The following TACC2 variants were observed in gnomAD, a reference collection of about 807,000 sequenced individuals.
TACC2 encodes transforming acidic coiled-coil-containing protein 2.
Under a neutral mutation model 227.3 loss-of-function variants are expected in TACC2, and 137 were observed. That is an observed-to-expected ratio of 0.60 (90% CI 0.52 to 0.69). The LOEUF (loss-of-function observed/expected upper bound fraction) is 0.69. TACC2 is among the 30% of genes least tolerant of loss of function. TACC2 has a pLI of 0.00. For missense variants in TACC2, 3,470 were observed against 3,694.4 expected, an observed-to-expected ratio of 0.94 and a Z score of 1.57; for synonymous variants, 1,523 against 1,487.5, an observed-to-expected ratio of 1.02 and a Z score of -0.55.
At chr10:122,055,971 C>T (rs2076175232) in intron 3 of TACC2, among the ~76,000 whole-genome samples, 1 of 152,214 alleles carries the variant, frequency 6.6e-6, no homozygotes, top group African/African-American at 2.4e-5. Context: ...GGCCAAGTCC[C>T]ATCCATACCC....
intron 3 of TACC2, among the ~76,000 whole-genome samples, chr10:122,073,668 C>T (rs10788236): frequency 0.067 from 10,250 of 152,252 alleles, 407 homozygotes; most frequent in Middle Eastern, 0.11. Context: ...TGTTGACTCA[C>T]GAGGCACAGT....
At chr10:122,129,266 C>T (rs566655819) in intron 5 of TACC2, among the ~76,000 whole-genome samples, 1 of 151,986 alleles carries the variant, frequency 6.6e-6, no homozygotes, top group Admixed American at 6.6e-5. Context: ...CCATGTTGGC[C>T]AGGCTCGTCT....
intron 19 of TACC2, among the ~76,000 whole-genome samples, chr10:122,243,949 T>G (rs957274874): frequency 6.6e-6 from 1 of 152,238 alleles, no homozygotes; most frequent in Non-Finnish European, 1.5e-5. Context: ...AGACATTCCC[T>G]CTTGAAAATT....
At chr10:122,140,065 G>A (rs1013244912) in intron 6 of TACC2, among the ~76,000 whole-genome samples, 3 of 152,236 alleles carry the variant, frequency 2.0e-5, no homozygotes, top group Non-Finnish European at 4.4e-5. Flanking sequence ...CGGGCTGAAT[G>A]TGAGCCCTGG....
At position 122,168,720 on chromosome 10, in the gene TACC2, G is replaced by A. The variant is rs58457585; in HGVS notation, c.5834+25014G>A. Among the ~76,000 whole-genome samples, 1,411 of 152,274 alleles carry A rather than the reference G, an allele frequency of 9.3e-3. 24 individuals carry two copies. The highest frequency in any genetic ancestry group is 0.077 in the East Asian group (396 of 5,172). On this transcript the variant is annotated intron_variant, in intron 7 of 22. Transcript: ENST00000369005. ...GCACTGCAGGTGAACATCAGATCAA[G>A]GTCAGTGGATTCTGGGTTGCTCTTC...
intron 22 of TACC2, among the ~76,000 whole-genome samples, chr10:122,250,155 C>G (rs7086990): frequency 0.32 from 48,599 of 152,102 alleles, 8,095 homozygotes; most frequent in South Asian, 0.46. Flanking sequence ...CAGGTTTCCT[C>G]CTTTTGGATC....
At chr10:122,238,210 A>C (rs1470631953) in intron 18 of TACC2, among the ~76,000 whole-genome samples, 173 bp downstream of exon 18, 1 of 152,194 alleles carries the variant, frequency 6.6e-6, no homozygotes, top group East Asian at 1.9e-4. Context: ...CTATTACTAA[A>C]ATAGCATGCA....
intron 7 of TACC2, among the ~76,000 whole-genome samples, chr10:122,162,652 G>C (rs1401795626): frequency 2.0e-5 from 3 of 152,228 alleles, no homozygotes; most frequent in Admixed American, 2.0e-4. Flanking sequence ...AGGATCTCAA[G>C]TCTTGAGGGT....
chr10:122,064,183 G>C (rs1389942712), intron 3 of TACC2, among the ~76,000 whole-genome samples: 1 of 151,992 alleles, frequency 6.6e-6, no homozygotes, highest in Non-Finnish European at 1.5e-5. Context: ...AAAAGTGTGT[G>C]TGTGTGTATA....
rs369228604 is a variant in TACC2 at position 122,249,540 on chromosome 10, G to T, written c.8661-4G>T. 97 of 1,613,518 alleles carry T rather than the reference G, an allele frequency of 6.0e-5. No individual in the cohort carries two copies. In the African/African-American group the frequency reaches 1.3e-3, roughly 21 times the overall value. ...TGATAATTCTGAGCTCCCTGTCTCCGCAGGGCCAATGCTGAGATTGCTCAG... is the reference window on the plus strand; with the variant it reads ...TGATAATTCTGAGCTCCCTGTCTCCTCAGGGCCAATGCTGAGATTGCTCAG... On this transcript the variant is annotated splice_region_variant and splice_polypyrimidine_tract_variant and intron_variant, in intron 21 of 22. Coordinates refer to ENST00000369005, the MANE Select transcript of TACC2 (RefSeq NM_206862.4).
chr10:122,249,676 G>A lies in TACC2; in HGVS notation c.8781+12G>A, dbSNP rs748810220. On this transcript the variant is annotated intron_variant, in intron 22 of 22. Coordinates refer to ENST00000369005, the MANE Select transcript of TACC2 (RefSeq NM_206862.4). ...CGCTGGAGCAGAAGGTAATAGGGGAGGGGTGTGGCCTCCAGGTGGGCCGGG... is the reference window on the plus strand; with the variant it reads ...CGCTGGAGCAGAAGGTAATAGGGGAAGGGTGTGGCCTCCAGGTGGGCCGGG... The A allele has an allele frequency of 6.2e-7, 1 of 1,608,824 alleles. No homozygotes were observed. Among genetic ancestry groups the A allele is most frequent in the Admixed American group, 1.7e-5 (1 of 59,864 alleles).
In TACC2 at chr10:122,126,561, T is replaced by C. The variant is rs139780295; in HGVS notation, c.5574-6048T>C. Among the ~76,000 whole-genome samples, 329 of 152,280 alleles carry C rather than the reference T, an allele frequency of 2.2e-3. 2 individuals carry two copies. Among genetic ancestry groups the C allele is most frequent in the East Asian group, 6.6e-3 (34 of 5,172 alleles). ...CTGGAGTCCAACCACCTTCTGTATATGCAAGCTCCTCTCTGATTGTGAGAA... is the reference window on the plus strand; with the variant it reads ...CTGGAGTCCAACCACCTTCTGTATACGCAAGCTCCTCTCTGATTGTGAGAA... On this transcript the variant is annotated intron_variant, in intron 5 of 22. Coordinates refer to ENST00000369005, the MANE Select transcript of TACC2 (RefSeq NM_206862.4).
chr10:122,089,576 C>T (rs1486483911), intron 5 of TACC2, among the ~76,000 whole-genome samples: 1 of 152,222 alleles, frequency 6.6e-6, no homozygotes, highest in African/African-American at 2.4e-5. Context: ...TGTGCACGTA[C>T]ACAGACACAC....
intron 11 of TACC2, among the ~76,000 whole-genome samples, chr10:122,222,438 C>T (rs1358775941): frequency 6.6e-6 from 1 of 152,222 alleles, no homozygotes; most frequent in Non-Finnish European, 1.5e-5. Context: ...GCGTCTGCCA[C>T]TCATCTGGGA....
chr10:122,106,621 C>T (rs964174858), intron 5 of TACC2, among the ~76,000 whole-genome samples: 4 of 152,216 alleles, frequency 2.6e-5, no homozygotes, highest in Admixed American at 6.5e-5. Context: ...TGCAGGACTC[C>T]TTTGGCAAAT....
chr10:122,087,789 C>A lies in TACC2; in HGVS notation c.5289C>A (p.Ala1763=). 1 of 1,595,074 alleles carries A rather than the reference C, an allele frequency of 6.3e-7. No homozygotes were observed. The highest frequency in any genetic ancestry group is 1.7e-5 in the Admixed American group (1 of 59,204). ...CTCCGGGGATGGAGGGTACAGCTGC[C>A]CTTCATGGGGACAGCCCAGCCAGGC... The part of the protein sequence containing the change: ...DKAPGMEGTA[A]LHGDSPARPQ... Residue 1763 remains alanine (A), a synonymous_variant, in exon 4 of 23, where the codon GCC becomes GCA. Transcript: ENST00000369005.
At chr10:121,996,471 C>G (rs562126880) in intron 1 of TACC2, among the ~76,000 whole-genome samples, 2 of 152,302 alleles carry the variant, frequency 1.3e-5, no homozygotes, top group Admixed American at 6.5e-5. Flanking sequence ...GACCTCCCAC[C>G]AGGCCCCACT....
intron 1 of TACC2, among the ~76,000 whole-genome samples, chr10:121,991,240 A>G (rs571645277): frequency 2.0e-5 from 3 of 152,286 alleles, no homozygotes; most frequent in Non-Finnish European, 4.4e-5. Flanking sequence ...TAAACATTGT[A>G]TATTTTTATT....
rs1263229987 is a variant in TACC2 at position 122,195,231 on chromosome 10, G to C, written c.5971+55G>C. 12 of 1,504,128 alleles carry C rather than the reference G, an allele frequency of 8.0e-6. No individual in the cohort carries two copies. In the South Asian group the frequency reaches 1.4e-4, roughly 18 times the overall value. 93.2% of individuals were successfully genotyped at this position (1,504,128 alleles called of 1,614,324 possible). A position where few individuals can be genotyped will look rare whatever the true frequency, so the allele number is the denominator to read the frequency against. On this transcript the variant is annotated intron_variant, in intron 8 of 22. Transcript: ENST00000369005. ...GCCCTGTAGAGTTGTGAGCCCTGGG[G>C]GAGATTTGCAGCAGTTCCTCCTGGG...
Sources: allele counts gnomAD v4.1 joint callset (sites outside exome capture counted in the v4.1 genomes callset), GRCh38; gene constraint gnomAD v4.1.1; transcripts MANE v1.5; gene names NCBI Gene and HGNC (gene_info 2026-07-23, HGNC 2026-07-21).